Variants in CC2D2B observed in about 807,000 individuals in gnomAD.
The protein encoded by CC2D2B is coiled-coil and C2 domain containing 2B, also known as protein CC2D2B.
In CC2D2B, 128 loss-of-function variants were observed where a neutral mutation model predicts 161.2. The observed-to-expected ratio is 0.79, with a 90% confidence interval of 0.69 to 0.92. The LOEUF (loss-of-function observed/expected upper bound fraction) is 0.92. Among genes scored for constraint, CC2D2B ranks in the 40% least tolerant of loss-of-function variants. CC2D2B has a pLI of 0.00. For synonymous variants in CC2D2B, 391 were observed against 449.8 expected (o/e 0.87, Z 1.65); for missense variants, 1,173 against 1,375.1 (o/e 0.85, Z 2.32).
Position 95,992,611 on chromosome 10 carries a change from G to A in CC2D2B, c.2556G>A (p.Ala852=), listed in dbSNP as rs1475711691. 17 of 1,234,054 alleles carry A rather than the reference G, an allele frequency of 1.4e-5. No individual in the cohort carries two copies. The highest frequency in any genetic ancestry group is 4.2e-5 in the Admixed American group (1 of 23,694). 76.4% of individuals were successfully genotyped at this position (1,234,054 alleles called of 1,614,324 possible). A position where few individuals can be genotyped will look rare whatever the true frequency, so the allele number is the denominator to read the frequency against. ...PQRKERKKVT[A]QAISDGDIKI... ...GGAAAGAAAGGAAAAAAGTCACAGC[G>A]CAGGCGATCTCTGACGGAGATATTA... is the stretch of plus-strand genomic sequence containing the variant. Residue 852 remains alanine, a synonymous_variant, in exon 22 of 35, where the codon GCG becomes GCA. Transcript: ENST00000646931.
intron 31 of CC2D2B, 24 bp downstream of exon 31, chr10:96,019,361 C>A: frequency 1.3e-6 from 2 of 1,589,880 alleles, no homozygotes; most frequent in Non-Finnish European, 1.7e-6. Context: ...GAAAAAAAAT[C>A]TTGAGTTATC....
At chr10:96,021,592 G>A (rs1349303762) in intron 32 of CC2D2B, 1 of 152,186 alleles carries the variant, frequency 6.6e-6, no homozygotes, top group Non-Finnish European at 1.5e-5. Flanking sequence ...TATAAAAAAT[G>A]TAATGCTGAG....
At position 95,950,102 on chromosome 10, in the gene CC2D2B, G is replaced by A. The variant is rs1009631598; in HGVS notation, c.1008G>A (p.Glu336=). 3.5e-5 allele frequency: 14 copies of A among 398,632 alleles called. No individual in the cohort carries two copies. The highest frequency in any genetic ancestry group is 2.9e-4 in the African/African-American group (14 of 48,618). The allele number at this position is 398,632 out of a possible 1,614,324, so 24.7% of individuals were successfully genotyped here. The change falls in exon 10 of 35, where the codon GAG becomes GAA. Residue 336 remains glutamate (E), a synonymous_variant. Coordinates refer to ENST00000646931, the MANE Select transcript of CC2D2B (RefSeq NM_001349008.3). ...QQQNVSQLLY[E]KLKALTDATK... ...AGAATGTATCTCAGCTGCTTTATGA[G>A]AAGGTGAGAATGGCTTTCATTATAA...
At chr10:96,001,893 A>G (rs2078514637) in intron 24 of CC2D2B, among the ~76,000 whole-genome samples, 1 of 152,100 alleles carries the variant, frequency 6.6e-6, no homozygotes, top group African/African-American at 2.4e-5. Context: ...TTCTTGAACT[A>G]TTTATTCTTT....
intron 9 of CC2D2B, among the ~76,000 whole-genome samples, chr10:95,946,763 G>A (rs191679410): frequency 1.4e-4 from 21 of 152,138 alleles, no homozygotes; most frequent in African/African-American, 3.1e-4. Context: ...TTTAGGCACC[G>A]TACAGATGGC....
chr10:96,014,756 C>T lies in CC2D2B; in HGVS notation c.3516+879C>T, dbSNP rs556911681. Among the ~76,000 whole-genome samples, 13 of 152,266 alleles carry T rather than the reference C, an allele frequency of 8.5e-5. No homozygotes were observed. In the South Asian group the frequency reaches 1.9e-3, roughly 22 times the overall value. ...GTTCCCTACTGTCATCCTCTCCCTACTCCTCTTATAAAATCCAGAACCTCC... is the reference window on the plus strand; with the variant it reads ...GTTCCCTACTGTCATCCTCTCCCTATTCCTCTTATAAAATCCAGAACCTCC... On this transcript the variant is annotated intron_variant, in intron 29 of 34. Coordinates refer to ENST00000646931, the MANE Select transcript of CC2D2B (RefSeq NM_001349008.3).
chr10:95,991,028 A>C (rs1471973945), intron 20 of CC2D2B, among the ~76,000 whole-genome samples: 1 of 152,226 alleles, frequency 6.6e-6, no homozygotes, highest in Non-Finnish European at 1.5e-5. Flanking sequence ...GTAGAAGTGG[A>C]TTCACAGGGC....
intron 6 of CC2D2B, among the ~76,000 whole-genome samples, chr10:95,929,500 GT>G (rs1396794178): frequency 3.3e-5 from 5 of 152,110 alleles, no homozygotes; most frequent in Admixed American, 3.3e-4. Context: ...TATTGCCTAG[GT>G]TTTCTTCTAG....
chr10:95,938,229 A>C, intron 7 of CC2D2B, 40 bp downstream of exon 7: 1 of 1,300,506 alleles, frequency 7.7e-7, no homozygotes, highest in South Asian at 1.3e-5. Flanking sequence ...GTCATTAACG[A>C]ATTATGTTAT....
chr10:95,958,568 A>C (rs1401033674), intron 11 of CC2D2B, among the ~76,000 whole-genome samples: 2 of 150,794 alleles, frequency 1.3e-5, no homozygotes, highest in Non-Finnish European at 3.0e-5. Flanking sequence ...AGAGATAGAA[A>C]ATTGAAAAAG....
At chr10:95,938,307 A>G (rs1444948658) in intron 7 of CC2D2B, 118 bp downstream of exon 7, 1 of 725,158 alleles carries the variant, frequency 1.4e-6, no homozygotes, top group Admixed American at 3.0e-5. Context: ...TAACTTTTCT[A>G]TATTTGTTTT....
chr10:95,966,284 G>C lies in CC2D2B; in HGVS notation c.1448G>C (p.Ser483Thr). 8.5e-7 allele frequency: 1 copy of C among 1,180,450 alleles called. No homozygotes were observed. The highest frequency in any genetic ancestry group is 1.1e-6 in the Non-Finnish European group (1 of 941,416). 73.1% of individuals were successfully genotyped at this position (1,180,450 alleles called of 1,614,324 possible). A position where few individuals can be genotyped will look rare whatever the true frequency, so the allele number is the denominator to read the frequency against. The change falls in exon 14 of 35, where the codon AGC (serine) becomes ACC (threonine). Residue 483 changes from serine to threonine, a missense_variant. Around this residue, in one of 3 missense-constraint regions of CC2D2B, gnomAD observed 277 missense variants for 420.6 expected, o/e 0.66. Transcript: ENST00000646931. Reference sequence around the variant, plus strand: ...CTTTCTTTCACTGCAGAATTAACAAGCTTATCCAAGTGTTCCTTGTAAGCA... The same window carrying C: ...CTTTCTTTCACTGCAGAATTAACAACCTTATCCAAGTGTTCCTTGTAAGCA... The part of the protein sequence containing the change: ...PQLSFTAELT[S>T]LSKCSLHEQK...
rs71486778 is a variant in CC2D2B, at chr10:95,926,815, A to AGT, written c.241-391_241-390dup. On this transcript the variant is annotated intron_variant, in intron 5 of 34. Coordinates refer to ENST00000646931, the MANE Select transcript of CC2D2B (RefSeq NM_001349008.3). ...ATGAAAGATTGTGGGCTGAGGTGGC[A>AGT]GTGTGTGTGTGTGTGTGTGTGTGTG... Among the ~76,000 whole-genome samples the AGT allele has an allele frequency of 0.013, 1,808 of 134,990 alleles. 140 individuals carry two copies. The East Asian group carries it at 0.22, about 16-fold the overall frequency. 88.6% of individuals were successfully genotyped at this position (134,990 alleles called of 152,430 possible).
chr10:96,005,868 T>C (rs2078725574), intron 25 of CC2D2B, among the ~76,000 whole-genome samples: 1 of 152,164 alleles, frequency 6.6e-6, no homozygotes, highest in African/African-American at 2.4e-5. Flanking sequence ...CTCAGATTGG[T>C]TTAAATACTT....
intron 6 of CC2D2B, among the ~76,000 whole-genome samples, chr10:95,932,786 G>A (rs907585333): frequency 1.3e-5 from 2 of 152,158 alleles, no homozygotes; most frequent in African/African-American, 4.8e-5. Context: ...TGGGTAACTT[G>A]ACCTTTCTCT....
intron 2 of CC2D2B, among the ~76,000 whole-genome samples, chr10:95,912,627 A>G (rs2098508435): frequency 6.6e-6 from 1 of 152,214 alleles, no homozygotes; most frequent in African/African-American, 2.4e-5. Context: ...CACACGCTGC[A>G]GGGTAATAAA....
Position 95,938,662 on chromosome 10 carries a change from A to T in CC2D2B, c.629A>T (p.Lys210Met), listed in dbSNP as rs2075913499. ...CAGAGAAAGCCAGAAATATACAAAA[A>T]GACCTGCAACAAAATGGAAAATCGC... ...YIQRKPEIYK[K>M]TCNKMENRLL... The change falls in exon 8 of 35, where the codon AAG (lysine) becomes ATG (methionine). Residue 210 changes from lysine (K) to methionine (M), a missense_variant. Physicochemically the swap from Lys to Met is moderately conservative, Grantham distance 95. Coordinates refer to ENST00000646931, the MANE Select transcript of CC2D2B (RefSeq NM_001349008.3). 1 of 714,260 alleles carries T rather than the reference A, an allele frequency of 1.4e-6. No individual in the cohort carries two copies. Among genetic ancestry groups the T allele is most frequent in the South Asian group, 1.5e-5 (1 of 66,684 alleles). 44.2% of individuals were successfully genotyped at this position (714,260 alleles called of 1,614,324 possible).
chr10:95,938,711 T>G lies in CC2D2B; in HGVS notation c.672+6T>G. On this transcript the variant is annotated splice_donor_region_variant and intron_variant, in intron 8 of 34. Transcript: ENST00000646931. Reference sequence around the variant, plus strand: ...GCCTGCTTAAACTAGAAGAGGCAAGTGCACCACCTAACAAGTTAAAACACT... The same window carrying G: ...GCCTGCTTAAACTAGAAGAGGCAAGGGCACCACCTAACAAGTTAAAACACT... The G allele has an allele frequency of 1.4e-6, 1 of 709,356 alleles. No homozygotes were observed. 43.9% of individuals were successfully genotyped at this position (709,356 alleles called of 1,614,324 possible).
intron 3 of CC2D2B, among the ~76,000 whole-genome samples, chr10:95,923,610 T>TTTTTG (rs946810404): frequency 4.6e-5 from 7 of 152,218 alleles, no homozygotes; most frequent in East Asian, 1.9e-4. Flanking sequence ...CTGAGCTTTG[T>TTTTTG]TTTTGTTTTG....
Sources: allele counts gnomAD v4.1 joint callset (sites outside exome capture counted in the v4.1 genomes callset), GRCh38; gene constraint gnomAD v4.1.1; regional missense constraint gnomAD v4.1.1; transcripts MANE v1.5; gene names NCBI Gene and HGNC (gene_info 2026-07-23, HGNC 2026-07-21).